Variants in ANKS1A observed in about 807,000 individuals in gnomAD.
The protein encoded by ANKS1A is ankyrin repeat and sterile alpha motif domain containing 1A.
In ANKS1A, 55 loss-of-function variants were observed where a neutral mutation model predicts 120.3. The ratio of observed to expected loss-of-function variants is 0.46; its 90% CI spans 0.37 to 0.57. The LOEUF (loss-of-function observed/expected upper bound fraction) is 0.57, where lower values mean the gene tolerates loss of function less well. Ranked by LOEUF, ANKS1A falls within the 20% of genes least tolerant of loss-of-function variation. The probability of loss-of-function intolerance (pLI) is 0.00; values close to 1 mark genes in which losing one functional copy is unlikely to be tolerated. For missense variants in ANKS1A, 1,123 were observed against 1,480.3 expected (o/e 0.76, Z 3.96); for synonymous variants, 590 against 604.7 (o/e 0.98, Z 0.36).
At chr6:34,988,814 A>G (rs999480445) in intron 8 of ANKS1A, among the ~76,000 whole-genome samples, 2 of 152,284 alleles carry the variant, frequency 1.3e-5, no homozygotes, top group Admixed American at 6.5e-5. Context: ...GTTAGAACAA[A>G]TTTCACAGGT....
intron 1 of ANKS1A, among the ~76,000 whole-genome samples, chr6:34,945,328 T>G (rs577675406): frequency 6.8e-4 from 104 of 152,334 alleles, no homozygotes; most frequent in African/African-American, 2.5e-3. Flanking sequence ...TCTTCTTGCC[T>G]TGGCTGCCCA....
At chr6:35,013,784 G>A (rs1773878979) in intron 10 of ANKS1A, among the ~76,000 whole-genome samples, 1 of 152,192 alleles carries the variant, frequency 6.6e-6, no homozygotes, top group African/African-American at 2.4e-5. Flanking sequence ...GGTAATGAAT[G>A]CTTGTGAAGT....
chr6:34,977,112 C>T (rs1771642257), intron 3 of ANKS1A, among the ~76,000 whole-genome samples: 1 of 152,118 alleles, frequency 6.6e-6, no homozygotes, highest in African/African-American at 2.4e-5. Flanking sequence ...GGAACAGTTC[C>T]TCAGCCTTTC....
At chr6:35,041,386 G>A (rs1031521996) in intron 11 of ANKS1A, among the ~76,000 whole-genome samples, 1 of 152,150 alleles carries the variant, frequency 6.6e-6, no homozygotes, top group African/African-American at 2.4e-5. Context: ...TGGGCAGCTC[G>A]GGGGTCTCCC....
intron 1 of ANKS1A, among the ~76,000 whole-genome samples, chr6:34,910,852 C>T (rs1399385805): frequency 7.2e-6 from 1 of 138,394 alleles, no homozygotes; most frequent in Non-Finnish European, 1.5e-5. Context: ...CAGAGTGAAA[C>T]TCCATCTCAA....
At position 35,089,578 on chromosome 6, in the gene ANKS1A, C is replaced by T. The variant is rs1054391960; in HGVS notation, c.*969C>T. 38 of 986,216 alleles carry T rather than the reference C, an allele frequency of 3.9e-5. No individual in the cohort carries two copies. Among genetic ancestry groups the T allele is most frequent in the East Asian group, 3.4e-4 (3 of 8,814 alleles). The allele number at this position is 986,216 out of a possible 1,614,324, so 61.1% of individuals were successfully genotyped here. On this transcript the variant is annotated 3_prime_UTR_variant, in exon 24 of 24. Coordinates refer to ENST00000360359, the MANE Select transcript of ANKS1A (RefSeq NM_015245.3). ...GGCTCATTTTGATTCTCTGAATTAT[C>T]GGTTTGACGGTTACACTTGGCTGCT...
intron 1 of ANKS1A, among the ~76,000 whole-genome samples, chr6:34,924,935 T>G (rs1325408104): frequency 6.6e-6 from 1 of 152,192 alleles, no homozygotes; most frequent in Non-Finnish European, 1.5e-5. Flanking sequence ...TCAGGAGTCT[T>G]AATTGCCTCT....
At chr6:35,038,180 C>G in intron 11 of ANKS1A, 2 of 456,662 alleles carry the variant, frequency 4.4e-6, no homozygotes, top group Non-Finnish European at 8.8e-6. Flanking sequence ...CTGTTGTTTT[C>G]CATTTTCTCT....
At chr6:35,045,636 G>C (rs2032732007) in intron 11 of ANKS1A, among the ~76,000 whole-genome samples, 1 of 152,236 alleles carries the variant, frequency 6.6e-6, no homozygotes, top group Admixed American at 6.5e-5. Flanking sequence ...CCATGAATTA[G>C]GTGGATAAGG....
At chr6:34,965,850 AAT>A (rs1268310002) in intron 1 of ANKS1A, among the ~76,000 whole-genome samples, 1 of 151,622 alleles carries the variant, frequency 6.6e-6, no homozygotes, top group Admixed American at 6.6e-5. Context: ...GGATTCAAGC[AAT>A]TCTTCTGCCT....
chr6:35,082,544 G>C lies in ANKS1A; in HGVS notation c.2710-147G>C, dbSNP rs993171844. 3 of 1,022,216 alleles carry C rather than the reference G, an allele frequency of 2.9e-6. No homozygotes were observed. The highest frequency in any genetic ancestry group is 4.1e-6 in the Non-Finnish European group (3 of 737,602). The allele number at this position is 1,022,216 out of a possible 1,614,324, so 63.3% of individuals were successfully genotyped here. A position where few individuals can be genotyped will look rare whatever the true frequency, so the allele number is the denominator to read the frequency against. ...CCCTCTCCCGCAGTGTGTTTGAATTGCTGGTCTGCCCCCTGCCATCTCCAC... is the reference window on the plus strand; with the variant it reads ...CCCTCTCCCGCAGTGTGTTTGAATTCCTGGTCTGCCCCCTGCCATCTCCAC... On this transcript the variant is annotated intron_variant, in intron 17 of 23. Coordinates refer to ENST00000360359, the MANE Select transcript of ANKS1A (RefSeq NM_015245.3). This position sits in a 1 kb window ranked among gnomAD's most constrained non-coding sequence, Gnocchi z 4.1.
chr6:35,083,267 CCAG>C, intron 19 of ANKS1A, 41 bp downstream of exon 19: 2 of 1,611,712 alleles, frequency 1.2e-6, no homozygotes, highest in Non-Finnish European at 1.7e-6. Flanking sequence ...GTGGGACTGG[CCAG>C]CAGAAGGCAG....
At chr6:35,056,296 T>C (rs1776216466) in intron 12 of ANKS1A, among the ~76,000 whole-genome samples, 2 of 152,198 alleles carry the variant, frequency 1.3e-5, no homozygotes, top group African/African-American at 4.8e-5. Flanking sequence ...TTTTTGTTGT[T>C]GTTGTTGTTT....
intron 3 of ANKS1A, among the ~76,000 whole-genome samples, chr6:34,979,096 T>A (rs1317784464): frequency 6.6e-6 from 1 of 151,914 alleles, no homozygotes; most frequent in Non-Finnish European, 1.5e-5. Context: ...GGGGTTTCAC[T>A]GTGTTAGCCA....
At position 35,053,989 on chromosome 6, in the gene ANKS1A, G is replaced by A. The variant is rs182700775; in HGVS notation, c.2011-110G>A. On this transcript the variant is annotated intron_variant, in intron 11 of 23. Coordinates refer to ENST00000360359, the MANE Select transcript of ANKS1A (RefSeq NM_015245.3). Reference sequence around the variant, plus strand: ...CCTTGCAGGCTGGTGCTGGTCCTGGGAAGCATCTGAAAGAGACCTGGAGGT... The same window carrying A: ...CCTTGCAGGCTGGTGCTGGTCCTGGAAAGCATCTGAAAGAGACCTGGAGGT... 11 of 834,036 alleles carry A rather than the reference G, an allele frequency of 1.3e-5. No homozygotes were observed. The African/African-American group carries it at 1.9e-4, about 14-fold the overall frequency. The allele number at this position is 834,036 out of a possible 1,614,324, so 51.7% of individuals were successfully genotyped here.
chr6:35,029,655 C>T (rs1774803298), intron 11 of ANKS1A, among the ~76,000 whole-genome samples: 1 of 150,930 alleles, frequency 6.6e-6, no homozygotes, highest in African/African-American at 2.4e-5. Flanking sequence ...CAGTCGACTT[C>T]TGCATTTTGT....
chr6:35,083,664 C>T (rs1025601743), intron 20 of ANKS1A, among the ~76,000 whole-genome samples, 161 bp downstream of exon 20: 6 of 152,146 alleles, frequency 3.9e-5, no homozygotes, highest in Non-Finnish European at 7.4e-5. Context: ...AGGCGTGTCT[C>T]TCATCTGCTG....
At chr6:35,088,351 G>A (rs1014638849) in intron 23 of ANKS1A, among the ~76,000 whole-genome samples, 1 of 152,192 alleles carries the variant, frequency 6.6e-6, no homozygotes, top group Non-Finnish European at 1.5e-5. Flanking sequence ...CAGTCGGCCA[G>A]GGCAGTCAAA....
At chr6:34,899,459 C>G (rs1581663184) in intron 1 of ANKS1A, among the ~76,000 whole-genome samples, 1 of 150,998 alleles carries the variant, frequency 6.6e-6, no homozygotes, top group Admixed American at 6.6e-5. Flanking sequence ...GCAGCCTGGG[C>G]AACATAGTGA....
Sources: gnomAD v4.1 joint callset for allele counts (sites outside exome capture counted in the v4.1 genomes callset) on GRCh38, gnomAD v4.1.1 for gene constraint, Gnocchi (gnomAD v3.1) non-coding constraint, MANE v1.5 for transcripts, NCBI Gene and HGNC (gene_info 2026-07-23, HGNC 2026-07-21) for gene names.